ABCG5: variants seen among roughly 807,000 people sequenced by gnomAD.
ABCG5 encodes ATP binding cassette subfamily G member 5.
In ABCG5, 64 loss-of-function variants were observed where a neutral mutation model predicts 64.5. That is an observed-to-expected ratio of 0.99 (90% CI 0.81 to 1.22). ABCG5 has a LOEUF of 1.22. ABCG5 is among the 50% of genes most tolerant of loss of function. ABCG5 has a pLI of 0.00. For missense variants in ABCG5, 908 were observed against 829.5 expected (o/e 1.09, Z -1.16); for synonymous variants, 385 against 326.3 (o/e 1.18, Z -1.94).
chr2:43,809,129 C>T (rs1300546319), downstream of ABCG5, among the ~76,000 whole-genome samples: 1 of 152,060 alleles, frequency 6.6e-6, no homozygotes, highest in Non-Finnish European at 1.5e-5. Context: ...GCTGGGACCA[C>T]AGCGCACACC....
Position 43,824,366 on chromosome 2 carries a change from A to G in ABCG5, c.971T>C (p.Met324Thr). 1 of 1,614,186 alleles carries G rather than the reference A, an allele frequency of 6.2e-7. No homozygotes were observed. Among genetic ancestry groups the G allele is most frequent in the Non-Finnish European group, 8.5e-7 (1 of 1,180,028 alleles). ...TGATTTCTTGTAGGCAGATTCTATC[A>G]TCTGGACTCTCTTGGAGGTTTCTAT... ...REIETSKRVQ[M>T]IESAYKKSAI... Residue 324 changes from methionine to threonine, a missense_variant, in exon 8 of 13, where the codon ATG becomes ACG. Met to Thr is a moderately conservative substitution (Grantham distance 81). Transcript: ENST00000405322.
At chr2:43,806,702 T>C in the ABCG5 span, among the ~76,000 whole-genome samples, 2 of 152,316 alleles carry the variant, frequency 1.3e-5, no homozygotes, top group Admixed American at 1.3e-4. Context: ...TATACATCAG[T>C]ATTATTAAAG....
downstream of ABCG5, among the ~76,000 whole-genome samples, chr2:43,811,827 C>T (rs1483156523): frequency 1.3e-5 from 2 of 152,104 alleles, no homozygotes; most frequent in Admixed American, 6.6e-5. Flanking sequence ...ATCTCTTGAC[C>T]TCGTGATCCA....
chr2:43,823,816 G>GA, intron 9 of ABCG5, 97 bp downstream of exon 9: 4 of 1,435,054 alleles, frequency 2.8e-6, no homozygotes, highest in Non-Finnish European at 3.8e-6. Flanking sequence ...TTAGCTCAGA[G>GA]AAAAACCCTT....
intron 4 of ABCG5, among the ~76,000 whole-genome samples, chr2:43,830,038 C>T (rs1667867938): frequency 6.6e-6 from 1 of 152,220 alleles, no homozygotes; most frequent in Admixed American, 6.5e-5. Flanking sequence ...CTTTGCTTGA[C>T]ACAGTGAGAT....
At chr2:43,827,800 G>A (rs1450472489) in intron 5 of ABCG5, among the ~76,000 whole-genome samples, 183 bp downstream of exon 5, 1 of 152,118 alleles carries the variant, frequency 6.6e-6, no homozygotes, top group Non-Finnish European at 1.5e-5. Context: ...TGATGGAATC[G>A]CATCAGGAAA....
chr2:43,831,750 AG>A lies in ABCG5; in HGVS notation c.501+18del. ...AAAGGTACTCAGTTTGCCCTCTGTGAGCGGGGGGCTGCACCCACCTTCTTCT... is the reference window on the plus strand; with the variant it reads ...AAAGGTACTCAGTTTGCCCTCTGTGACGGGGGGCTGCACCCACCTTCTTCT... On this transcript the variant is annotated intron_variant, in intron 4 of 12. Transcript: ENST00000405322. The A allele has an allele frequency of 1.3e-6, 2 of 1,562,088 alleles. No individual in the cohort carries two copies. Among genetic ancestry groups the A allele is most frequent in the Non-Finnish European group, 1.7e-6 (2 of 1,154,616 alleles).
In ABCG5 at chr2:43,813,186, G is replaced by C. The variant is rs772295351; in HGVS notation, c.1886C>G (p.Ser629Ter). Reference protein sequence around the residue: ...RFTMNFLILYSFIPALVILGI... With the variant: ...RFTMNFLILY ...TAGGATGACAAGAGCTGGAATAAAT[G>C]AATACAAAATCAGAAAGTTCATTGT... is the stretch of plus-strand genomic sequence containing the variant. The change falls in exon 13 of 13, where the codon TCA (serine) becomes TGA (stop). Residue 629 changes from serine to a stop codon, truncating the protein, a stop_gained. Coordinates refer to ENST00000405322, the MANE Select transcript of ABCG5 (RefSeq NM_022436.3). LOFTEE classifies it high-confidence loss of function. The C allele has an allele frequency of 7.8e-5, 122 of 1,571,012 alleles. No homozygotes were observed. Among genetic ancestry groups the C allele is most frequent in the Non-Finnish European group, 1.0e-4 (116 of 1,141,172 alleles).
chr2:43,822,227 C>T (rs919936675), intron 10 of ABCG5, among the ~76,000 whole-genome samples: 1 of 152,142 alleles, frequency 6.6e-6, no homozygotes, highest in Non-Finnish European at 1.5e-5. Flanking sequence ...TACCGAAGCT[C>T]TTTTTTGGGA....
Position 43,824,083 on chromosome 2 carries a change from G to C in ABCG5, c.1154C>G (p.Ala385Gly). 5 of 1,614,192 alleles carry C rather than the reference G, an allele frequency of 3.1e-6. No homozygotes were observed. The highest frequency in any genetic ancestry group is 4.2e-6 in the Non-Finnish European group (5 of 1,180,036). The change falls in exon 9 of 13, where the codon GCA becomes GGA. Residue 385 changes from alanine (A) to glycine (G), a missense_variant. Physicochemically the swap from Ala to Gly is moderately conservative, Grantham distance 60 (BLOSUM62 0). Coordinates refer to ENST00000405322, the MANE Select transcript of ABCG5 (RefSeq NM_022436.3). ...VTRNLVRNKL[A>G]VITRLLQNLI... ...ATTCTGAAGGAGACGCGTAATCACT[G>C]CCAGCTTATTTCTCACCAAGTTTCT...
In ABCG5 at chr2:43,824,344, TTTC is replaced by T. The variant is rs771202498; in HGVS notation, c.990_992del (p.Lys331del). 1.2e-6 allele frequency: 2 copies of T among 1,614,210 alleles called. No individual in the cohort carries two copies. The highest frequency in any genetic ancestry group is 1.7e-6 in the Non-Finnish European group (2 of 1,180,042). On this transcript the variant is annotated inframe_deletion, in exon 8 of 13. Coordinates refer to ENST00000405322, the MANE Select transcript of ABCG5 (RefSeq NM_022436.3). Reference sequence around the variant, plus strand: ...TCAAAGTTTTATGACAAATTGCTGATTTCTTGTAGGCAGATTCTATCATCTGGA... The same window carrying T: ...TCAAAGTTTTATGACAAATTGCTGATTTGTAGGCAGATTCTATCATCTGGA...
intron 4 of ABCG5, among the ~76,000 whole-genome samples, chr2:43,830,734 G>A (rs1667904872): frequency 6.6e-6 from 1 of 152,228 alleles, no homozygotes; most frequent in African/African-American, 2.4e-5. Flanking sequence ...ATGTCCACCT[G>A]TCATTGGTTC....
At chr2:43,824,667 G>A (rs912728707) in intron 7 of ABCG5, 16 of 979,256 alleles carry the variant, frequency 1.6e-5, no homozygotes, top group Non-Finnish European at 1.9e-5. Context: ...CTCTGATAAA[G>A]TAGTAGCAGT....
At chr2:43,809,719 C>A, downstream of ABCG5, 2 of 1,611,780 alleles carry the variant, frequency 1.2e-6, no homozygotes, top group South Asian at 2.2e-5. Context: ...TGGAACAGTA[C>A]AAAAGAAGTT....
chr2:43,831,331 T>G (rs6707683), intron 4 of ABCG5, among the ~76,000 whole-genome samples: 1 of 151,760 alleles, frequency 6.6e-6, no homozygotes, highest in Non-Finnish European at 1.5e-5. Flanking sequence ...CATCACCACG[T>G]CCAACTAATT....
chr2:43,832,140 G>C (rs960993792), intron 2 of ABCG5, 57 bp from the exon 3 acceptor site: 2 of 1,552,356 alleles, frequency 1.3e-6, no homozygotes, highest in Non-Finnish European at 1.7e-6. Context: ...CCTTGGAGGA[G>C]CTTCCCGAGA....
intron 2 of ABCG5, 42 bp downstream of exon 2, chr2:43,837,792 C>G (rs201017003): frequency 1.3e-5 from 21 of 1,612,086 alleles, no homozygotes; most frequent in Non-Finnish European, 1.8e-5. Context: ...TGGAGTTTAA[C>G]TCAAGCCAAA....
At chr2:43,813,717 T>G (rs1307785932) in intron 12 of ABCG5, among the ~76,000 whole-genome samples, 4 of 124,330 alleles carry the variant, frequency 3.2e-5, no homozygotes, top group African/African-American at 1.3e-4. Context: ...TCGTTTTTTT[T>G]TTTTTTTTTT....
chr2:43,812,335 G>A (rs545306481), downstream of ABCG5: 7 of 86,052 alleles, frequency 8.1e-5, no homozygotes, highest in East Asian at 2.2e-4. Context: ...TTTTTTTTTC[G>A]GTAGGTTTTT....
Sources: allele counts gnomAD v4.1 joint callset (sites outside exome capture counted in the v4.1 genomes callset), GRCh38; gene constraint gnomAD v4.1.1; transcripts MANE v1.5; gene names NCBI Gene and HGNC (gene_info 2026-07-23, HGNC 2026-07-21).